The following RAPGEF6 variants were observed in gnomAD, a reference collection of about 807,000 sequenced individuals.
The protein encoded by RAPGEF6 is Rap guanine nucleotide exchange factor 6.
RAPGEF6 carries 56 observed loss-of-function variants against 171.4 expected under a neutral mutation model. The ratio of observed to expected loss-of-function variants is 0.33; its 90% CI spans 0.26 to 0.41. The LOEUF (loss-of-function observed/expected upper bound fraction) is 0.41. RAPGEF6 is among the 10% of genes least tolerant of loss of function. The pLI, the probability that RAPGEF6 is intolerant of heterozygous loss-of-function variation, is 1.00. For missense variants in RAPGEF6, 1,674 were observed against 1,921.4 expected, an observed-to-expected ratio of 0.87 and a Z score of 2.41; for synonymous variants, 692 against 650.1, an observed-to-expected ratio of 1.06 and a Z score of -0.98.
intron 3 of RAPGEF6, 142 bp from the exon 4 acceptor site, chr5:131,592,608 C>CT: frequency 3.5e-6 from 5 of 1,412,646 alleles, no homozygotes; most frequent in Non-Finnish European, 4.7e-6. Flanking sequence ...AATATTTTGC[C>CT]TGTTGCCTAA....
chr5:131,547,717 G>A (rs1414671013), intron 6 of RAPGEF6, among the ~76,000 whole-genome samples: 3 of 151,630 alleles, frequency 2.0e-5, no homozygotes, highest in South Asian at 4.2e-4. Flanking sequence ...CACCATATTG[G>A]CCAGGCTGGT....
chr5:131,510,399 A>T lies in RAPGEF6; in HGVS notation c.720T>A (p.Ile240=), dbSNP rs781330286. ...SEDDEEEDEE[I]DRTDPLQGRD... is the part of the protein sequence containing the mutation. ...GCCCCTGCAATGGATCTGTTCGATCAATCTCTTCATCTTCCTCTTCGTCAT... is the reference window on the plus strand; with the variant it reads ...GCCCCTGCAATGGATCTGTTCGATCTATCTCTTCATCTTCCTCTTCGTCAT... Residue 240 remains isoleucine, a synonymous_variant, in exon 8 of 28, where the codon ATT becomes ATA. Transcript: ENST00000509018. 3 of 1,614,152 alleles carry T rather than the reference A, an allele frequency of 1.9e-6. No individual in the cohort carries two copies. The East Asian group carries it at 6.7e-5, about 36-fold the overall frequency.
chr5:131,435,931 A>G (rs1322597185), intron 24 of RAPGEF6: 3 of 1,507,290 alleles, frequency 2.0e-6, no homozygotes, highest in Non-Finnish European at 8.9e-7. Context: ...CTTAACACTA[A>G]AATTAAATAA....
intron 5 of RAPGEF6, among the ~76,000 whole-genome samples, chr5:131,556,851 C>A (rs116197321): frequency 8.5e-5 from 13 of 152,252 alleles, no homozygotes; most frequent in Non-Finnish European, 1.5e-4. Flanking sequence ...TATGGTAACT[C>A]CATACCTAAG....
intron 12 of RAPGEF6, among the ~76,000 whole-genome samples, chr5:131,496,044 AC>A (rs1369175094): frequency 6.6e-6 from 1 of 152,214 alleles, no homozygotes; most frequent in African/African-American, 2.4e-5. Flanking sequence ...CAAAACGGTA[AC>A]AAAAACAAAT....
intron 1 of RAPGEF6, among the ~76,000 whole-genome samples, chr5:131,630,497 A>G (rs1766233283): frequency 6.6e-6 from 1 of 152,214 alleles, no homozygotes. Flanking sequence ...TTGTTGTTTT[A>G]GTGCACTTAA....
chr5:131,578,611 T>A (rs1166663159), intron 4 of RAPGEF6, among the ~76,000 whole-genome samples: 1 of 152,066 alleles, frequency 6.6e-6, no homozygotes. Flanking sequence ...CAAACAACTA[T>A]CCCTGTTGCC....
chr5:131,503,440 A>G (rs1419286830), intron 11 of RAPGEF6, among the ~76,000 whole-genome samples: 2 of 152,246 alleles, frequency 1.3e-5, no homozygotes, highest in Non-Finnish European at 2.9e-5. Flanking sequence ...GTGTAAGCCT[A>G]TGGCATTCCA....
At chr5:131,546,247 T>G (rs958402290) in intron 6 of RAPGEF6, among the ~76,000 whole-genome samples, 1 of 152,178 alleles carries the variant, frequency 6.6e-6, no homozygotes, top group Non-Finnish European at 1.5e-5. Context: ...ATTCTACCTC[T>G]TGACATTTTT....
intron 1 of RAPGEF6, among the ~76,000 whole-genome samples, chr5:131,612,925 T>C (rs1337386362): frequency 6.6e-6 from 1 of 152,228 alleles, no homozygotes; most frequent in Non-Finnish European, 1.5e-5. Context: ...AAGTTTGAGA[T>C]ATACATGTAT....
At chr5:131,437,605 G>A (rs1482782635) in intron 24 of RAPGEF6, among the ~76,000 whole-genome samples, 3 of 152,170 alleles carry the variant, frequency 2.0e-5, no homozygotes, top group Non-Finnish European at 4.4e-5. Flanking sequence ...TGATGACATA[G>A]GTCTGTGTGC....
intron 4 of RAPGEF6, among the ~76,000 whole-genome samples, chr5:131,578,379 A>G (rs534524571): frequency 1.3e-5 from 2 of 152,252 alleles, no homozygotes; most frequent in South Asian, 2.1e-4. Flanking sequence ...TCCCCACTCT[A>G]TAGGCTGACT....
chr5:131,562,829 G>A (rs542975496), intron 4 of RAPGEF6, among the ~76,000 whole-genome samples: 5 of 151,712 alleles, frequency 3.3e-5, no homozygotes, highest in African/African-American at 7.3e-5. Context: ...TGAAACCCAC[G>A]GATATGAAGT....
intron 18 of RAPGEF6, 62 bp downstream of exon 18, chr5:131,463,979 T>G: frequency 1.3e-6 from 2 of 1,509,940 alleles, no homozygotes; most frequent in Non-Finnish European, 1.8e-6. Flanking sequence ...AATAGCTGTT[T>G]TAACAGGAAA....
chr5:131,519,599 A>C (rs2149906895), intron 7 of RAPGEF6, among the ~76,000 whole-genome samples: 1 of 152,180 alleles, frequency 6.6e-6, no homozygotes, highest in East Asian at 1.9e-4. Flanking sequence ...ACAGGGTTTC[A>C]CCATGTTGGT....
chr5:131,491,971 TTTTTTA>T (rs1212847013), intron 14 of RAPGEF6, among the ~76,000 whole-genome samples: 12 of 152,200 alleles, frequency 7.9e-5, no homozygotes, highest in Non-Finnish European at 1.8e-4. Flanking sequence ...GAGAATTACA[TTTTTTA>T]TGTAACAAAG....
chr5:131,633,945 G>C (rs532441206), intron 1 of RAPGEF6, among the ~76,000 whole-genome samples: 2 of 152,258 alleles, frequency 1.3e-5, no homozygotes, highest in South Asian at 4.1e-4. Context: ...CTGGAAAGTG[G>C]TAGAATTTGT....
At chr5:131,567,687 TA>T (rs1762036169) in intron 4 of RAPGEF6, among the ~76,000 whole-genome samples, 1 of 152,272 alleles carries the variant, frequency 6.6e-6, no homozygotes, top group African/African-American at 2.4e-5. Flanking sequence ...GAATGACCCA[TA>T]AATCTTGAAA....
At chr5:131,575,625 A>G (rs1185183437) in intron 4 of RAPGEF6, among the ~76,000 whole-genome samples, 2 of 152,002 alleles carry the variant, frequency 1.3e-5, no homozygotes, top group Non-Finnish European at 2.9e-5. Flanking sequence ...CCACTATATA[A>G]ACTCACAAAG....
Sources: gnomAD v4.1 joint callset for allele counts (sites outside exome capture counted in the v4.1 genomes callset) on GRCh38, gnomAD v4.1.1 for gene constraint, MANE v1.5 for transcripts, NCBI Gene and HGNC (gene_info 2026-07-23, HGNC 2026-07-21) for gene names.